KCNH8: variants seen among roughly 807,000 people sequenced by gnomAD.
KCNH8 encodes potassium voltage-gated channel subfamily H member 8, also known as voltage-gated delayed rectifier potassium channel KCNH8.
KCNH8 carries 70 observed loss-of-function variants against 103.6 expected under a neutral mutation model. The observed-to-expected ratio is 0.68, with a 90% CI of 0.56 to 0.82. The LOEUF is 0.82. KCNH8 is among the 40% of genes least tolerant of loss of function. The probability of loss-of-function intolerance (pLI) is 0.00; values close to 1 mark genes in which losing one functional copy is unlikely to be tolerated. For missense variants in KCNH8, 1,217 were observed against 1,329.9 expected (o/e 0.92, Z 1.32); for synonymous variants, 498 against 489.4 (o/e 1.02, Z -0.23).
chr3:19,532,055 G>A (rs1426718398), intron 15 of KCNH8, among the ~76,000 whole-genome samples: 2 of 152,132 alleles, frequency 1.3e-5, no homozygotes, highest in Non-Finnish European at 2.9e-5. Context: ...TCCTCAATTT[G>A]AAGAATACAA....
chr3:19,218,383 T>C (rs191146015), intron 1 of KCNH8, among the ~76,000 whole-genome samples: 33 of 152,296 alleles, frequency 2.2e-4, no homozygotes, highest in Non-Finnish European at 2.8e-4. Flanking sequence ...AAAAACACCA[T>C]GAGCTTTCTT....
At chr3:19,401,352 C>G (rs952540152) in intron 7 of KCNH8, among the ~76,000 whole-genome samples, 1 of 152,016 alleles carries the variant, frequency 6.6e-6, no homozygotes, top group Admixed American at 6.6e-5. Flanking sequence ...CCGTCCTATA[C>G]TTTTTCAATC....
At chr3:19,325,599 TATC>T (rs2065411873) in intron 3 of KCNH8, among the ~76,000 whole-genome samples, 2 of 152,102 alleles carry the variant, frequency 1.3e-5, no homozygotes, top group African/African-American at 4.8e-5. Flanking sequence ...CAACATCACT[TATC>T]ATTAGAGAAA....
At position 19,348,898 on chromosome 3, in the gene KCNH8, G is replaced by GTT. The variant is rs5847027; in HGVS notation, c.811+939_811+940dup. Among the ~76,000 whole-genome samples the GTT allele has an allele frequency of 3.3e-5, 5 of 151,752 alleles. No homozygotes were observed. The South Asian group carries it at 1.0e-3, about 32-fold the overall frequency. On this transcript the variant is annotated intron_variant, in intron 5 of 15. Coordinates refer to ENST00000328405, the MANE Select transcript of KCNH8 (RefSeq NM_144633.3). ...CCTTGGTTCAATGGTGGTAGTAGTT[G>GTT]TTTTTTTGTGTGTTTTTTTGGTTTT... is the stretch of plus-strand genomic sequence containing the variant.
chr3:19,208,794 T>C (rs2125223507), intron 1 of KCNH8, among the ~76,000 whole-genome samples: 1 of 151,992 alleles, frequency 6.6e-6, no homozygotes, highest in Admixed American at 6.6e-5. Flanking sequence ...GTGTTGATGT[T>C]GGTAATACTC....
chr3:19,242,869 C>A (rs1433154872), intron 1 of KCNH8, among the ~76,000 whole-genome samples: 1 of 152,100 alleles, frequency 6.6e-6, no homozygotes, highest in Non-Finnish European at 1.5e-5. Flanking sequence ...CTTTGAGAAA[C>A]CGTGGGTTTG....
chr3:19,160,312 A>G (rs1320103836), intron 1 of KCNH8, among the ~76,000 whole-genome samples: 1 of 152,162 alleles, frequency 6.6e-6, no homozygotes, highest in Non-Finnish European at 1.5e-5. Context: ...GCTCTTCCAA[A>G]TGAATTTCAT....
At chr3:19,255,865 G>A (rs2064340206) in intron 2 of KCNH8, among the ~76,000 whole-genome samples, 1 of 152,056 alleles carries the variant, frequency 6.6e-6, no homozygotes. Context: ...CATTTGACAA[G>A]GACAATAACA....
intron 12 of KCNH8, among the ~76,000 whole-genome samples, chr3:19,512,491 T>G (rs1315785335): frequency 6.6e-6 from 1 of 152,346 alleles, no homozygotes; most frequent in Non-Finnish European, 1.5e-5. Flanking sequence ...GGAAAGCTTT[T>G]TATTCTCAAG....
intron 3 of KCNH8, among the ~76,000 whole-genome samples, chr3:19,330,150 A>C (rs1344136914): frequency 6.6e-6 from 1 of 152,152 alleles, no homozygotes; most frequent in East Asian, 1.9e-4. Context: ...ATTTTTCTCA[A>C]ATGATATTCT....
intron 1 of KCNH8, among the ~76,000 whole-genome samples, chr3:19,182,960 T>C (rs1439307971): frequency 2.6e-5 from 4 of 152,208 alleles, no homozygotes; most frequent in Admixed American, 1.3e-4. Context: ...ATGAATGATC[T>C]TGGATACAGA....
At chr3:19,472,229 TGTGTGTGTGTGTGTGTGTTA>T in intron 11 of KCNH8, among the ~76,000 whole-genome samples, 2 of 147,948 alleles carry the variant, frequency 1.4e-5, no homozygotes, top group African/African-American at 5.2e-5. Context: ...TGTGTGTGTG[TGTGTGTGTGTGTGTGTGTTA>T]ATGTCCACAG....
chr3:19,454,262 G>A (rs191858642), intron 10 of KCNH8, among the ~76,000 whole-genome samples: 7 of 150,916 alleles, frequency 4.6e-5, no homozygotes, highest in African/African-American at 1.7e-4. Context: ...GAAGTTAAAG[G>A]CCAGTCACCC....
chr3:19,426,339 G>T (rs1370255677), intron 7 of KCNH8, among the ~76,000 whole-genome samples: 1 of 151,886 alleles, frequency 6.6e-6, no homozygotes, highest in Non-Finnish European at 1.5e-5. Flanking sequence ...CAAAATTGGA[G>T]TTTCTTGAAA....
At chr3:19,486,528 G>C (rs1285405761) in intron 11 of KCNH8, among the ~76,000 whole-genome samples, 1 of 152,224 alleles carries the variant, frequency 6.6e-6, no homozygotes, top group Non-Finnish European at 1.5e-5. Flanking sequence ...TGTTTTGAGA[G>C]ATAGGCCACT....
intron 8 of KCNH8, among the ~76,000 whole-genome samples, chr3:19,448,104 G>A (rs1432207492): frequency 2.0e-5 from 3 of 151,846 alleles, no homozygotes; most frequent in Admixed American, 6.6e-5. Context: ...CTTTCATAAG[G>A]AAAATTACAT....
At chr3:19,498,174 G>A (rs182761976) in intron 11 of KCNH8, among the ~76,000 whole-genome samples, 134 of 152,264 alleles carry the variant, frequency 8.8e-4, no homozygotes, top group African/African-American at 3.0e-3. Context: ...ATACCAGGGT[G>A]TATTGCTTCT....
chr3:19,305,192 G>A (rs1378931978), intron 3 of KCNH8, among the ~76,000 whole-genome samples: 3 of 152,066 alleles, frequency 2.0e-5, no homozygotes, highest in Non-Finnish European at 4.4e-5. Context: ...AGACAGTAGA[G>A]CAATGTCTTA....
intron 11 of KCNH8, among the ~76,000 whole-genome samples, chr3:19,476,567 G>C (rs906643523): frequency 1.3e-5 from 2 of 152,086 alleles, no homozygotes; most frequent in African/African-American, 2.4e-5. Context: ...GGGGGCATGG[G>C]ATCTCAGCTT....
Sources: allele counts gnomAD v4.1 joint callset (sites outside exome capture counted in the v4.1 genomes callset), GRCh38; gene constraint gnomAD v4.1.1; transcripts MANE v1.5; gene names NCBI Gene and HGNC (gene_info 2026-07-23, HGNC 2026-07-21).